SORCS3: variants seen among roughly 807,000 people sequenced by gnomAD.
SORCS3 encodes VPS10 domain-containing receptor SorCS3.
In SORCS3, 57 loss-of-function variants were observed where a neutral mutation model predicts 146.3. That is an observed-to-expected ratio of 0.39 (90% CI 0.31 to 0.49). The LOEUF is 0.49. Ranked by LOEUF, SORCS3 falls within the 20% of genes least tolerant of loss-of-function variation. The pLI is 0.92. For missense variants in SORCS3, 1,341 were observed against 1,575.5 expected, an observed-to-expected ratio of 0.85 and a Z score of 2.52; for synonymous variants, 653 against 618.5, an observed-to-expected ratio of 1.06 and a Z score of -0.83.
chr10:104,746,067 G>A (rs953656599), intron 1 of SORCS3, among the ~76,000 whole-genome samples: 1 of 151,972 alleles, frequency 6.6e-6, no homozygotes, highest in Non-Finnish European at 1.5e-5. Context: ...TATTTTGAAG[G>A]TGGTGTTTTA....
At chr10:105,134,239 T>G (rs2056042408) in intron 7 of SORCS3, among the ~76,000 whole-genome samples, 1 of 152,172 alleles carries the variant, frequency 6.6e-6, no homozygotes, top group African/African-American at 2.4e-5. Flanking sequence ...CTCTGTAGAG[T>G]TGTTATGAGG....
chr10:105,084,638 G>C (rs995958915), intron 5 of SORCS3, among the ~76,000 whole-genome samples: 3 of 152,094 alleles, frequency 2.0e-5, no homozygotes, highest in Admixed American at 2.0e-4. Context: ...AGGAAGTGCA[G>C]TTCTTGAATG....
intron 6 of SORCS3, among the ~76,000 whole-genome samples, chr10:105,094,869 A>G (rs1457961305): frequency 1.3e-5 from 2 of 152,194 alleles, no homozygotes; most frequent in Non-Finnish European, 2.9e-5. Flanking sequence ...TGTAAATTAT[A>G]ATCTGGAAAA....
At chr10:105,199,116 C>A in intron 14 of SORCS3, among the ~76,000 whole-genome samples, 1 of 152,210 alleles carries the variant, frequency 6.6e-6, no homozygotes, top group Non-Finnish European at 1.5e-5. Context: ...CTTGAAAGAC[C>A]TCAGTTGTTT....
At chr10:104,894,573 C>A (rs2018780435) in intron 2 of SORCS3, among the ~76,000 whole-genome samples, 2 of 152,152 alleles carry the variant, frequency 1.3e-5, no homozygotes, top group African/African-American at 2.4e-5. Flanking sequence ...GAATCCCAGG[C>A]AGCCTGGCAG....
intron 5 of SORCS3, among the ~76,000 whole-genome samples, chr10:105,082,366 G>A (rs2055631587): frequency 6.6e-6 from 1 of 151,930 alleles, no homozygotes; most frequent in African/African-American, 2.4e-5. Flanking sequence ...GGAGCTGGGG[G>A]AAGAAGACAG....
At chr10:104,931,742 C>T (rs1284237961) in intron 3 of SORCS3, among the ~76,000 whole-genome samples, 6 of 152,148 alleles carry the variant, frequency 3.9e-5, no homozygotes, top group African/African-American at 1.4e-4. Context: ...TATTGACAGC[C>T]TGTTTTTATA....
At chr10:105,136,685 A>T (rs775671537) in intron 7 of SORCS3, among the ~76,000 whole-genome samples, 1 of 152,174 alleles carries the variant, frequency 6.6e-6, no homozygotes, top group Admixed American at 6.5e-5. Context: ...TAGGATTTAC[A>T]CTGAGGTTTA....
At chr10:105,184,389 A>G (rs997819492) in intron 14 of SORCS3, among the ~76,000 whole-genome samples, 2 of 152,212 alleles carry the variant, frequency 1.3e-5, no homozygotes, top group Non-Finnish European at 2.9e-5. Context: ...TAAAATGTAA[A>G]AATAACTCTC....
At chr10:104,796,800 G>C (rs529458965) in intron 1 of SORCS3, among the ~76,000 whole-genome samples, 2 of 152,246 alleles carry the variant, frequency 1.3e-5, no homozygotes, top group Admixed American at 1.3e-4. Context: ...CAAGTTCTGG[G>C]GCAGAGGCAG....
chr10:104,809,500 A>G (rs1355729056), intron 1 of SORCS3, among the ~76,000 whole-genome samples: 1 of 152,180 alleles, frequency 6.6e-6, no homozygotes, highest in African/African-American at 2.4e-5. Context: ...CTGTAACACC[A>G]TTGTTTCTGT....
intron 4 of SORCS3, among the ~76,000 whole-genome samples, chr10:105,000,681 C>A (rs1176413717): frequency 1.3e-5 from 2 of 152,100 alleles, no homozygotes; most frequent in Non-Finnish European, 2.9e-5. Context: ...ACCACCAACC[C>A]CTGCACCCTA....
intron 1 of SORCS3, among the ~76,000 whole-genome samples, chr10:104,741,604 T>G (rs1315022926): frequency 6.6e-6 from 1 of 151,732 alleles, no homozygotes; most frequent in Non-Finnish European, 1.5e-5. Context: ...TGCTCTTTTT[T>G]TTTTCAGTCC....
intron 2 of SORCS3, among the ~76,000 whole-genome samples, chr10:104,870,324 A>G (rs987158017): frequency 1.3e-5 from 2 of 152,238 alleles, no homozygotes; most frequent in African/African-American, 4.8e-5. Context: ...GACAATGAGT[A>G]GAGAGTCATT....
intron 7 of SORCS3, among the ~76,000 whole-genome samples, chr10:105,123,702 G>A (rs1573138): frequency 0.028 from 4,256 of 152,210 alleles, 120 homozygotes; most frequent in East Asian, 0.16. Context: ...TACCCACTAT[G>A]ATAAATCTAT....
chr10:104,903,792 G>T (rs1180842350), intron 2 of SORCS3, among the ~76,000 whole-genome samples: 1 of 152,012 alleles, frequency 6.6e-6, no homozygotes, highest in Non-Finnish European at 1.5e-5. Context: ...AGGCTACCTG[G>T]CATATTTGAT....
chr10:105,099,073 A>T (rs990980745), intron 6 of SORCS3, among the ~76,000 whole-genome samples: 1 of 152,162 alleles, frequency 6.6e-6, no homozygotes, highest in African/African-American at 2.4e-5. Context: ...ATTATGCTTC[A>T]AGCTCTGTAT....
intron 2 of SORCS3, among the ~76,000 whole-genome samples, chr10:104,846,563 C>T (rs2018207270): frequency 2.0e-5 from 3 of 152,150 alleles, no homozygotes; most frequent in Admixed American, 1.3e-4. Flanking sequence ...AATTATCTGC[C>T]TTACTGGATT....
chr10:105,258,791 A>C (rs1455276924), intron 25 of SORCS3, among the ~76,000 whole-genome samples: 3 of 152,144 alleles, frequency 2.0e-5, no homozygotes, highest in African/African-American at 7.2e-5. Flanking sequence ...GTATCAGCCC[A>C]CCTTTTCTGT....
Sources: allele counts gnomAD v4.1 joint callset (sites outside exome capture counted in the v4.1 genomes callset), GRCh38; gene constraint gnomAD v4.1.1; transcripts MANE v1.5; gene names NCBI Gene and HGNC (gene_info 2026-07-23, HGNC 2026-07-21).